Variants in LZTS2 observed in about 807,000 individuals in gnomAD.
The protein encoded by LZTS2 is leucine zipper tumor suppressor 2.
A neutral mutation model predicts 60.6 loss-of-function variants in LZTS2; 32 were observed. That is an observed-to-expected ratio of 0.53 (90% CI 0.40 to 0.71). The LOEUF (loss-of-function observed/expected upper bound fraction) is 0.71, where lower values mean the gene tolerates loss of function less well. LZTS2 is among the 30% of genes least tolerant of loss of function. LZTS2 has a pLI of 0.00. For synonymous variants in LZTS2, 360 were observed against 393.1 expected (o/e 0.92, Z 1.00); for missense variants, 792 against 901.9 (o/e 0.88, Z 1.56).
At chr10:101,005,475 G>T in exon 3 of LZTS2, 2 of 1,570,246 alleles carry the variant, frequency 1.3e-6, no homozygotes, top group Non-Finnish European at 1.7e-6. Context: ...AGGAGCGGCA[G>T]CGGCACTGGC....
At chr10:100,999,432 G>C (rs1006922268), upstream of LZTS2, 3 of 152,450 alleles carry the variant, frequency 2.0e-5, no homozygotes, top group Non-Finnish European at 4.4e-5. Flanking sequence ...CTGAGGCTGA[G>C]AGCGTGTCAG....
exon 2 of LZTS2, chr10:101,003,991 C>T: frequency 6.2e-7 from 1 of 1,612,894 alleles, no homozygotes; most frequent in Admixed American, 1.7e-5. Flanking sequence ...GGCAGTGGTA[C>T]TCGGGCCTCC....
upstream of LZTS2, chr10:100,999,120 T>C (rs1465463516): frequency 6.6e-6 from 1 of 152,322 alleles, no homozygotes; most frequent in African/African-American, 2.4e-5. Context: ...ATGACCTCTC[T>C]CTTAGCAAGT....
chr10:101,001,122 G>A (rs929489226), exon 1 of LZTS2: 11 of 152,200 alleles, frequency 7.2e-5, no homozygotes, highest in African/African-American at 1.2e-4. Flanking sequence ...ACGTTCACAG[G>A]CTCCACTGCA....
exon 3 of LZTS2, chr10:101,005,470 C>T (rs749262759): frequency 8.9e-6 from 14 of 1,566,552 alleles, no homozygotes; most frequent in African/African-American, 2.7e-5. Flanking sequence ...ATACGAGGAG[C>T]GGCAGCGGCA....
rs763491947 is a variant in LZTS2 at position 101,002,479 on chromosome 10, C to A, written c.-60C>A. On this transcript the variant is annotated 5_prime_UTR_variant, in exon 1 of 4. Coordinates refer to ENST00000370220, the Ensembl canonical transcript of LZTS2. The stretch of plus-strand genomic sequence containing the variant: ...GTCTCAAGGTGGAGGGACTCTGACA[C>A]CACTGCCCTGCTTACAGGTCGCCTG... 1.8e-5 allele frequency: 26 copies of A among 1,479,384 alleles called. No individual in the cohort carries two copies. Among genetic ancestry groups the A allele is most frequent in the Middle Eastern group, 2.2e-4 (1 of 4,602 alleles). 91.6% of individuals were successfully genotyped at this position (1,479,384 alleles called of 1,614,324 possible).
At chr10:101,007,646 TG>T in exon 4 of LZTS2, 1 of 1,157,854 alleles carries the variant, frequency 8.6e-7, no homozygotes, top group South Asian at 1.6e-5. Flanking sequence ...GCCTCTCTCC[TG>T]GAGTGAGGGG....
chr10:100,997,413 C>T (rs897974633), upstream of LZTS2, among the ~76,000 whole-genome samples: 1 of 152,192 alleles, frequency 6.6e-6, no homozygotes, highest in Non-Finnish European at 1.5e-5. Flanking sequence ...GCCGACGGGC[C>T]CCACACACGC....
chr10:101,005,661 C>A, exon 3 of LZTS2: 1 of 1,607,198 alleles, frequency 6.2e-7, no homozygotes, highest in Non-Finnish European at 8.5e-7. Context: ...GCTGCGCCAC[C>A]TTGGAGCGGG....
chr10:101,002,500 G>A (rs771772821), exon 1 of LZTS2: 8 of 1,494,752 alleles, frequency 5.4e-6, no homozygotes, highest in South Asian at 4.2e-5. Flanking sequence ...CTTACAGGTC[G>A]CCTGCGAGGC....
intron 2 of LZTS2, among the ~76,000 whole-genome samples, chr10:101,004,973 C>T (rs1424844712): frequency 6.6e-6 from 1 of 152,192 alleles, no homozygotes. Flanking sequence ...GCTGGGATTA[C>T]AGGCGTGAGC....
rs372286231 is a variant in LZTS2 at position 101,002,956 on chromosome 10, G to T, written c.408+10G>T. ...TGGAAAGCTGGAGAAGGTGAGGACC[G>T]GCTCTTCCTTGTGGGCCTGGGTAGA... On this transcript the variant is annotated intron_variant, in intron 1 of 3. Transcript: ENST00000370220. The T allele has an allele frequency of 1.2e-6, 2 of 1,601,262 alleles. No homozygotes were observed. Among genetic ancestry groups the T allele is most frequent in the Admixed American group, 1.7e-5 (1 of 58,970 alleles).
rs1160371130 is a variant in LZTS2, at chr10:101,003,515, G to C, written c.417G>C (p.Glu139Asp). The change falls in exon 2 of 4, where the codon GAG (glutamate) becomes GAC (aspartate). Residue 139 changes from glutamate (E) to aspartate (D), a missense_variant. Glu to Asp is a conservative substitution (Grantham distance 45). Coordinates refer to ENST00000370220, the Ensembl canonical transcript of LZTS2. ...ATGGCACCTCATTTCAGAACATGGA[G>C]AAGATCCTGATCCGCCCAACAGCCT... 1 of 1,516,350 alleles carries C rather than the reference G, an allele frequency of 6.6e-7. No individual in the cohort carries two copies. Among genetic ancestry groups the C allele is most frequent in the Non-Finnish European group, 8.8e-7 (1 of 1,132,358 alleles). The allele number at this position is 1,516,350 out of a possible 1,614,324, so 93.9% of individuals were successfully genotyped here.
intron 3 of LZTS2, 99 bp downstream of exon 4, chr10:101,005,814 G>A: frequency 1.4e-6 from 2 of 1,392,394 alleles, no homozygotes; most frequent in Non-Finnish European, 1.9e-6. Flanking sequence ...CACCCCCAGA[G>A]GTCCTCCCCT....
chr10:101,006,610 G>T (rs370123164), exon 4 of LZTS2: 2 of 1,603,566 alleles, frequency 1.2e-6, no homozygotes, highest in Non-Finnish European at 1.7e-6. Context: ...CCCGTGCTAC[G>T]CTGCGGGTCA....
chr10:101,006,482 C>A lies in LZTS2; in HGVS notation c.1327-3C>A. The A allele has an allele frequency of 1.2e-6, 2 of 1,606,432 alleles. No individual in the cohort carries two copies. The highest frequency in any genetic ancestry group is 1.7e-5 in the Admixed American group (1 of 59,616). Reference sequence around the variant, plus strand: ...ATCCTTCCCCACTTCCTCCCACCCCCAGGTGTGCCAGAAATCAGGCGAGAT... The same window carrying A: ...ATCCTTCCCCACTTCCTCCCACCCCAAGGTGTGCCAGAAATCAGGCGAGAT... On this transcript the variant is annotated splice_polypyrimidine_tract_variant and splice_region_variant and intron_variant, in intron 3 of 3. Coordinates refer to ENST00000370220, the Ensembl canonical transcript of LZTS2.
In LZTS2 at chr10:101,005,721, C is replaced by A; in HGVS notation, c.1326+6C>A. 1 of 1,556,348 alleles carries A rather than the reference C, an allele frequency of 6.4e-7. No homozygotes were observed. The highest frequency in any genetic ancestry group is 1.2e-5 in the South Asian group (1 of 86,524). On this transcript the variant is annotated splice_donor_region_variant and intron_variant, in intron 3 of 3. Coordinates refer to ENST00000370220, the Ensembl canonical transcript of LZTS2. ...TTGAGGAGACCAAGTGGGAGGTGGG[C>A]CAGACCAGGAGGGGCAGGGAGCAGG...
chr10:100,997,791 G>T (rs557580090), upstream of LZTS2, among the ~76,000 whole-genome samples: 1 of 152,362 alleles, frequency 6.6e-6, no homozygotes, highest in South Asian at 2.1e-4. Flanking sequence ...TCCCAGGCCG[G>T]ACGGCGTTCC....
rs752163618 is a variant in LZTS2 at position 101,002,490 on chromosome 10, C to G, written c.-49C>G. 10 of 1,494,274 alleles carry G rather than the reference C, an allele frequency of 6.7e-6. No homozygotes were observed. Among genetic ancestry groups the G allele is most frequent in the African/African-American group, 2.8e-5 (2 of 70,990 alleles). 92.6% of individuals were successfully genotyped at this position (1,494,274 alleles called of 1,614,324 possible). On this transcript the variant is annotated 5_prime_UTR_variant, in exon 1 of 4. Transcript: ENST00000370220. Reference sequence around the variant, plus strand: ...GAGGGACTCTGACACCACTGCCCTGCTTACAGGTCGCCTGCGAGGCCGCTG... The same window carrying G: ...GAGGGACTCTGACACCACTGCCCTGGTTACAGGTCGCCTGCGAGGCCGCTG...
Sources: gnomAD v4.1 joint callset for allele counts (sites outside exome capture counted in the v4.1 genomes callset) on GRCh38, gnomAD v4.1.1 for gene constraint, MANE v1.5 for transcripts, NCBI Gene and HGNC (gene_info 2026-07-23, HGNC 2026-07-21) for gene names.